The following WNT7A variants were observed in gnomAD, a reference collection of about 807,000 sequenced individuals.
The protein encoded by WNT7A is protein Wnt-7a.
Under a neutral mutation model 28.2 loss-of-function variants are expected in WNT7A, and 16 were observed. That is an observed-to-expected ratio of 0.57 (90% CI 0.38 to 0.86). The LOEUF (loss-of-function observed/expected upper bound fraction) is 0.86, where lower values mean the gene tolerates loss of function less well. WNT7A is among the 40% of genes least tolerant of loss of function. The probability of loss-of-function intolerance (pLI) is 0.00; values close to 1 mark genes in which losing one functional copy is unlikely to be tolerated. For missense variants in WNT7A, 411 were observed against 489.7 expected, an observed-to-expected ratio of 0.84 and a Z score of 1.52; for synonymous variants, 190 against 195.9, an observed-to-expected ratio of 0.97 and a Z score of 0.25.
At chr3:13,849,814 G>A (rs1329531190) in intron 3 of WNT7A, among the ~76,000 whole-genome samples, 3 of 152,228 alleles carry the variant, frequency 2.0e-5, no homozygotes, top group African/African-American at 4.8e-5. Context: ...AAAGAGCTTT[G>A]CAGACAGAGA....
intron 3 of WNT7A, among the ~76,000 whole-genome samples, chr3:13,838,678 G>C (rs1694408377): frequency 6.6e-6 from 1 of 152,240 alleles, no homozygotes. Flanking sequence ...GACTGCTCTG[G>C]ACCAAGAATG....
chr3:13,823,109 G>A (rs984946532), intron 3 of WNT7A, among the ~76,000 whole-genome samples: 1 of 152,224 alleles, frequency 6.6e-6, no homozygotes, highest in Non-Finnish European at 1.5e-5. Flanking sequence ...CCTGGCCAGG[G>A]CTGGTCACCA....
chr3:13,854,502 G>C (rs775082037), intron 3 of WNT7A, 30 bp downstream of exon 3: 8 of 1,613,618 alleles, frequency 5.0e-6, no homozygotes, highest in Middle Eastern at 1.6e-4. Flanking sequence ...CTCCGCGAGC[G>C]CCGCCCAGCT....
At chr3:13,871,335 C>T (rs187536718) in intron 2 of WNT7A, among the ~76,000 whole-genome samples, 71 of 152,240 alleles carry the variant, frequency 4.7e-4, no homozygotes, top group African/African-American at 1.4e-3. Context: ...TGAGGAGGAG[C>T]GCAGTGACCC....
At chr3:13,867,924 T>G (rs1694937260) in intron 2 of WNT7A, among the ~76,000 whole-genome samples, 1 of 152,206 alleles carries the variant, frequency 6.6e-6, no homozygotes, top group African/African-American at 2.4e-5. Flanking sequence ...TGGGCAGACA[T>G]GCAGCTGGCC....
At chr3:13,821,534 T>C (rs1167843148) in intron 3 of WNT7A, among the ~76,000 whole-genome samples, 1 of 152,178 alleles carries the variant, frequency 6.6e-6, no homozygotes, top group Non-Finnish European at 1.5e-5. Context: ...TGACCATCCA[T>C]AGTGAGTGGA....
intron 3 of WNT7A, among the ~76,000 whole-genome samples, chr3:13,827,621 G>A (rs1694214946): frequency 6.6e-6 from 1 of 152,092 alleles, no homozygotes; most frequent in Non-Finnish European, 1.5e-5. Context: ...AGGGGACCTA[G>A]GGGTGAACTT....
In WNT7A at chr3:13,879,631, C is replaced by T. The variant is rs1306276569; in HGVS notation, c.71+115G>A. ...CGCTCCCACACCGCACCCACCCGGC[C>T]TCTCAGAGAAGCTGTGGAAGTTGGC... On this transcript the variant is annotated intron_variant, in intron 1 of 3. Transcript: ENST00000285018. The T allele has an allele frequency of 5.0e-6, 6 of 1,199,118 alleles. No homozygotes were observed. In the Admixed American group the frequency reaches 6.2e-5, roughly 12 times the overall value. The allele number at this position is 1,199,118 out of a possible 1,614,324, so 74.3% of individuals were successfully genotyped here. A position where few individuals can be genotyped will look rare whatever the true frequency, so the allele number is the denominator to read the frequency against.
intron 2 of WNT7A, among the ~76,000 whole-genome samples, chr3:13,856,963 AAGAAGG>A (rs1311845910): frequency 7.8e-5 from 9 of 115,298 alleles, no homozygotes; most frequent in African/African-American, 2.9e-4. Flanking sequence ...GAAGAAGAAG[AAGAAGG>A]AGAAGAAGAA....
At chr3:13,877,253 C>T (rs1309884109) in intron 1 of WNT7A, 1 of 152,230 alleles carries the variant, frequency 6.6e-6, no homozygotes, top group East Asian at 1.9e-4. Context: ...TCATCACATC[C>T]GTTTCACATA....
intron 2 of WNT7A, 58 bp from the exon 3 acceptor site, chr3:13,854,861 AG>A: frequency 6.2e-7 from 1 of 1,603,682 alleles, no homozygotes. Flanking sequence ...ATCTGAGAGG[AG>A]GCTGGGCCTG....
At chr3:13,829,944 C>G (rs2124834545) in intron 3 of WNT7A, among the ~76,000 whole-genome samples, 1 of 152,230 alleles carries the variant, frequency 6.6e-6, no homozygotes, top group East Asian at 1.9e-4. Flanking sequence ...ACCCCAGAAC[C>G]CCTGTCCTAT....
At chr3:13,865,982 T>C (rs537936141) in intron 2 of WNT7A, among the ~76,000 whole-genome samples, 1 of 152,334 alleles carries the variant, frequency 6.6e-6, no homozygotes, top group East Asian at 1.9e-4. Flanking sequence ...TGGAGGGTGC[T>C]GTCTTGGACA....
intron 2 of WNT7A, chr3:13,863,567 T>C (rs2124868859): frequency 6.6e-6 from 1 of 151,864 alleles, no homozygotes; most frequent in African/African-American, 2.4e-5. Context: ...TCAGGAGAGC[T>C]AAAACCCAGG....
At chr3:13,827,836 G>A (rs1425624651) in intron 3 of WNT7A, among the ~76,000 whole-genome samples, 1 of 152,172 alleles carries the variant, frequency 6.6e-6, no homozygotes, top group Non-Finnish European at 1.5e-5. Context: ...ACCCATGGCA[G>A]GCACTCTGAA....
chr3:13,869,432 AAG>A (rs1694993369), intron 2 of WNT7A, among the ~76,000 whole-genome samples: 1 of 85,686 alleles, frequency 1.2e-5, no homozygotes, highest in African/African-American at 4.7e-5. Context: ...CAAAGAAAAG[AAG>A]AAAGAAAAGA....
intron 2 of WNT7A, among the ~76,000 whole-genome samples, chr3:13,868,634 G>GAAAGAA (rs1436832168): frequency 2.1e-4 from 3 of 14,204 alleles, no homozygotes; most frequent in Admixed American, 7.6e-4. Context: ...AAGAAAGAAA[G>GAAAGAA]AGAGAGGAGA....
intron 3 of WNT7A, among the ~76,000 whole-genome samples, chr3:13,820,048 C>G (rs938710761): frequency 6.6e-6 from 1 of 152,192 alleles, no homozygotes; most frequent in Non-Finnish European, 1.5e-5. Context: ...TTTCTTCCTT[C>G]CTTCCTCCCT....
intron 1 of WNT7A, 45 bp downstream of exon 1, chr3:13,879,701 C>A: frequency 6.3e-7 from 1 of 1,596,906 alleles, no homozygotes; most frequent in African/African-American, 1.3e-5. Context: ...CGGGCCGTGC[C>A]AACTTTGTCG....
Sources: allele counts gnomAD v4.1 joint callset (sites outside exome capture counted in the v4.1 genomes callset), GRCh38; gene constraint gnomAD v4.1.1; transcripts MANE v1.5; gene names NCBI Gene and HGNC (gene_info 2026-07-23, HGNC 2026-07-21).